Variants in RUBCNL observed in about 807,000 individuals in gnomAD.
The protein encoded by RUBCNL is protein associated with UVRAG as autophagy enhancer.
RUBCNL carries 62 observed loss-of-function variants against 69.5 expected under a neutral mutation model. That is an observed-to-expected ratio of 0.89 (90% CI 0.73 to 1.10). RUBCNL has a LOEUF of 1.10. RUBCNL is among the 50% of genes least tolerant of loss of function. RUBCNL has a pLI of 0.00. For synonymous variants in RUBCNL, 291 were observed against 303.6 expected (o/e 0.96, Z 0.43); for missense variants, 768 against 798.1 (o/e 0.96, Z 0.45).
At chr13:46,376,523 C>T (rs996015589) in intron 2 of RUBCNL, among the ~76,000 whole-genome samples, 2 of 152,128 alleles carry the variant, frequency 1.3e-5, no homozygotes, top group African/African-American at 2.4e-5. Flanking sequence ...CTTCTCCTGA[C>T]CTCAAATCCC....
chr13:46,335,237 G>GTTTT lies in RUBCNL; in HGVS notation c.*8147_*8148insAAAA, dbSNP rs758818280. Among the ~76,000 whole-genome samples, 1 of 117,466 alleles carries GTTTT rather than the reference G, an allele frequency of 8.5e-6. No individual in the cohort carries two copies. The highest frequency in any genetic ancestry group is 3.6e-5 in the African/African-American group (1 of 28,062). The allele number at this position is 117,466 out of a possible 152,430, so 77.1% of individuals were successfully genotyped here. ...ACACCATTGTGCCCAGCTAATTTGT[G>GTTTT]TCTTTTTGTTGTTGTTGTTGTTGTT... On this transcript the variant is annotated 3_prime_UTR_variant, in exon 15 of 15. Transcript: ENST00000429979.
At position 46,336,622 on chromosome 13, in the gene RUBCNL, G is replaced by A. The variant is rs2048106678; in HGVS notation, c.*6763C>T. Reference sequence around the variant, plus strand: ...TTCTCTTTTGTTAAGAAGAATGCAAGCAACTGTGGTAGAGAGGTAGGTGAA... The same window carrying A: ...TTCTCTTTTGTTAAGAAGAATGCAAACAACTGTGGTAGAGAGGTAGGTGAA... On this transcript the variant is annotated 3_prime_UTR_variant, in exon 15 of 15. Coordinates refer to ENST00000429979, the MANE Select transcript of RUBCNL (RefSeq NM_025113.5). Among the ~76,000 whole-genome samples, 1 of 152,042 alleles carries A rather than the reference G, an allele frequency of 6.6e-6. No individual in the cohort carries two copies.
At chr13:46,361,139 C>T (rs1451129076) in intron 8 of RUBCNL, among the ~76,000 whole-genome samples, 3 of 152,108 alleles carry the variant, frequency 2.0e-5, no homozygotes, top group Non-Finnish European at 2.9e-5. Flanking sequence ...GCAGGAGAAT[C>T]GCTTGAACCC....
At chr13:46,347,287 A>T (rs920001195) in intron 12 of RUBCNL, among the ~76,000 whole-genome samples, 4 of 152,114 alleles carry the variant, frequency 2.6e-5, no homozygotes, top group Non-Finnish European at 5.9e-5. Flanking sequence ...CATGTCTGTA[A>T]TCCCACCTAC....
chr13:46,357,026 G>A (rs111560280), intron 9 of RUBCNL, among the ~76,000 whole-genome samples: 1,859 of 147,368 alleles, frequency 0.013, 17 homozygotes, highest in Middle Eastern at 0.031. Context: ...GCCGTGCCCA[G>A]CCTTAAAGCT....
chr13:46,349,198 G>A, intron 12 of RUBCNL, 88 bp downstream of exon 12: 1 of 1,137,594 alleles, frequency 8.8e-7, no homozygotes, highest in Non-Finnish European at 1.3e-6. Context: ...AAGAAGCCCT[G>A]TGTAATGGGG....
chr13:46,355,274 C>G (rs2765628), intron 10 of RUBCNL, among the ~76,000 whole-genome samples: 40,800 of 150,320 alleles, frequency 0.27, 5,858 homozygotes, highest in Middle Eastern at 0.32. Flanking sequence ...ACTTGCATTT[C>G]TGACTGAGGA....
chr13:46,359,734 A>C, intron 8 of RUBCNL, 103 bp from the exon 9 acceptor site: 1 of 1,147,874 alleles, frequency 8.7e-7, no homozygotes, highest in Admixed American at 2.8e-5. Flanking sequence ...ATTTACCATG[A>C]AAAATTAACA....
chr13:46,364,447 A>G (rs1295081385), intron 5 of RUBCNL, among the ~76,000 whole-genome samples: 1 of 152,046 alleles, frequency 6.6e-6, no homozygotes, highest in Non-Finnish European at 1.5e-5. Context: ...GGCTGACTTT[A>G]AGACAGAACC....
intron 10 of RUBCNL, among the ~76,000 whole-genome samples, chr13:46,354,149 T>C (rs1458238716): frequency 1.3e-5 from 2 of 152,228 alleles, no homozygotes; most frequent in Non-Finnish European, 1.5e-5. Flanking sequence ...TGGGATATAC[T>C]GAACTAGTAA....
chr13:46,362,688 C>A, intron 6 of RUBCNL, 90 bp from the exon 7 acceptor site: 1 of 870,632 alleles, frequency 1.1e-6, no homozygotes. Context: ...AAATCACTCC[C>A]TGCATCTCAG....
chr13:46,387,736 C>T, upstream of RUBCNL: 2 of 985,474 alleles, frequency 2.0e-6, no homozygotes, highest in Non-Finnish European at 2.4e-6. Context: ...AGTCTGAGTC[C>T]GACTCATGTA....
intron 5 of RUBCNL, among the ~76,000 whole-genome samples, chr13:46,367,173 G>A (rs2048776133): frequency 2.0e-5 from 3 of 152,198 alleles, no homozygotes; most frequent in Non-Finnish European, 4.4e-5. Context: ...GTGAGCCGAG[G>A]CACTCCTCCT....
Position 46,341,164 on chromosome 13 carries a change from T to C in RUBCNL, c.*2221A>G, listed in dbSNP as rs2048139130. ...ACTGTAAATGACACACTACTGGAAT[T>C]GCCCATGTGAAGAGTGCAGAGGCAG... On this transcript the variant is annotated 3_prime_UTR_variant, in exon 15 of 15. Transcript: ENST00000429979. Among the ~76,000 whole-genome samples the C allele has an allele frequency of 6.6e-6, 1 of 152,176 alleles. No homozygotes were observed. The highest frequency in any genetic ancestry group is 2.1e-4 in the South Asian group (1 of 4,826).
rs750317971 is a variant in RUBCNL at position 46,363,250 on chromosome 13, A to G, written c.827-37T>C. 5 of 1,194,346 alleles carry G rather than the reference A, an allele frequency of 4.2e-6. No homozygotes were observed. In the Admixed American group the frequency reaches 1.3e-4, roughly 32 times the overall value. The allele number at this position is 1,194,346 out of a possible 1,614,324, so 74.0% of individuals were successfully genotyped here. ...AAGGAAGGAGGTTTTTACCAATAAG[A>G]AGAAAAAGAAAAACTGTACAACCTG... On this transcript the variant is annotated intron_variant, in intron 5 of 14. Transcript: ENST00000429979.
chr13:46,381,180 A>G (rs2049108636), intron 1 of RUBCNL, among the ~76,000 whole-genome samples: 1 of 152,236 alleles, frequency 6.6e-6, no homozygotes, highest in Non-Finnish European at 1.5e-5. Flanking sequence ...TTCTAGCAGC[A>G]CTATTCATAA....
At chr13:46,358,687 G>A (rs1305611254) in intron 9 of RUBCNL, among the ~76,000 whole-genome samples, 1 of 152,118 alleles carries the variant, frequency 6.6e-6, no homozygotes, top group Non-Finnish European at 1.5e-5. Flanking sequence ...CCGAGTAGCT[G>A]GGATTAGAGG....
intron 12 of RUBCNL, among the ~76,000 whole-genome samples, chr13:46,346,306 G>T (rs1388449213): frequency 6.6e-6 from 1 of 152,134 alleles, no homozygotes; most frequent in Non-Finnish European, 1.5e-5. Context: ...CACTCCTGCG[G>T]CATCCTCTGC....
rs1820054692 is a variant in RUBCNL, at chr13:46,336,456, A to C, written c.*6929T>G. Among the ~76,000 whole-genome samples the C allele has an allele frequency of 6.6e-6, 1 of 152,166 alleles. No homozygotes were observed. The highest frequency in any genetic ancestry group is 1.5e-5 in the Non-Finnish European group (1 of 68,028). On this transcript the variant is annotated 3_prime_UTR_variant, in exon 15 of 15. Transcript: ENST00000429979. Reference sequence around the variant, plus strand: ...AAATGATATCTAGTCTATATGGTAAAATTTACAAAGAAAATTTTTGAAAAT... The same window carrying C: ...AAATGATATCTAGTCTATATGGTAACATTTACAAAGAAAATTTTTGAAAAT...
Sources: gnomAD v4.1 joint callset for allele counts (sites outside exome capture counted in the v4.1 genomes callset) on GRCh38, gnomAD v4.1.1 for gene constraint, MANE v1.5 for transcripts, NCBI Gene and HGNC (gene_info 2026-07-23, HGNC 2026-07-21) for gene names.